Variants in PDSS2 observed in about 807,000 individuals in gnomAD.
PDSS2 encodes decaprenyl diphosphate synthase subunit 2, also known as all trans-polyprenyl-diphosphate synthase PDSS2.
In PDSS2, 31 loss-of-function variants were observed where a neutral mutation model predicts 44.5. That is an observed-to-expected ratio of 0.70 (90% CI 0.52 to 0.94). PDSS2 has a LOEUF of 0.94. Among genes scored for constraint, PDSS2 ranks in the 40% least tolerant of loss-of-function variants. The pLI, the probability that PDSS2 is intolerant of heterozygous loss-of-function variation, is 0.00. For missense variants in PDSS2, 452 were observed against 482.2 expected, an observed-to-expected ratio of 0.94 and a Z score of 0.59; for synonymous variants, 157 against 180.3, an observed-to-expected ratio of 0.87 and a Z score of 1.03.
At chr6:107,202,960 T>C (rs1772837615) in intron 6 of PDSS2, among the ~76,000 whole-genome samples, 3 of 152,080 alleles carry the variant, frequency 2.0e-5, no homozygotes, top group African/African-American at 7.2e-5. Context: ...GAGGTCTTGT[T>C]ATTTCTTTGT....
chr6:107,233,945 T>C (rs528873662), intron 4 of PDSS2, among the ~76,000 whole-genome samples: 10 of 152,270 alleles, frequency 6.6e-5, no homozygotes, highest in Non-Finnish European at 1.0e-4. Flanking sequence ...GGCAAGAGGA[T>C]TGCTTGAGGC....
intron 1 of PDSS2, among the ~76,000 whole-genome samples, chr6:107,424,496 C>A (rs1423585377): frequency 2.6e-5 from 4 of 152,242 alleles, no homozygotes; most frequent in South Asian, 2.1e-4. Context: ...CACAAGTAAA[C>A]CTTTCAGTTC....
chr6:107,273,338 A>C (rs1028910992), intron 3 of PDSS2, among the ~76,000 whole-genome samples: 27 of 152,220 alleles, frequency 1.8e-4, no homozygotes, highest in Middle Eastern at 3.4e-3. Flanking sequence ...GAAAAAAAAA[A>C]CACTAAAAAT....
In PDSS2 at chr6:107,394,895, T is replaced by C. The variant is rs567735472; in HGVS notation, c.297-60563A>G. On this transcript the variant is annotated intron_variant, in intron 1 of 7. Transcript: ENST00000369037. ...ACTCACATATTTAGCATTTCCAAAA[T>C]GCTTCATTCTTCTGTGTAGCTCAGT... 2.0e-5 allele frequency among the ~76,000 whole-genome samples: 3 copies of C among 152,340 alleles called. No homozygotes were observed. In the South Asian group the frequency reaches 6.2e-4, roughly 32 times the overall value.
In PDSS2 at chr6:107,212,226, G is replaced by C; in HGVS notation, c.759C>G (p.Leu253=). ...GISTWKEQTF[L]SHGALLAKSC... is the part of the protein sequence containing the mutation. The stretch of plus-strand genomic sequence containing the variant: ...TCTTTGCTAGTAAGGCACCATGGGA[G>C]AGAAAAGTCTGCTCCTTCCAAGTCG... Residue 253 remains leucine, a synonymous_variant, in exon 5 of 8, where the codon CTC becomes CTG. Coordinates refer to ENST00000369037, the MANE Select transcript of PDSS2 (RefSeq NM_020381.4). 6.2e-7 allele frequency: 1 copy of C among 1,613,786 alleles called. No individual in the cohort carries two copies. The highest frequency in any genetic ancestry group is 1.1e-5 in the South Asian group (1 of 91,046).
At chr6:107,334,404 A>G in intron 1 of PDSS2, 72 bp from the exon 2 acceptor site, 1 of 1,374,398 alleles carries the variant, frequency 7.3e-7, no homozygotes. Context: ...GAAAACTGCT[A>G]CAAAGATGCC....
intron 2 of PDSS2, among the ~76,000 whole-genome samples, chr6:107,282,906 A>G (rs941214404): frequency 2.1e-5 from 3 of 143,438 alleles, no homozygotes; most frequent in African/African-American, 7.7e-5. Context: ...TTTTTTTTGT[A>G]GAGACAGGGG....
intron 1 of PDSS2, among the ~76,000 whole-genome samples, chr6:107,360,338 T>G (rs1160717772): frequency 6.6e-6 from 1 of 152,164 alleles, no homozygotes; most frequent in African/African-American, 2.4e-5. Context: ...GAACAACTGC[T>G]TGGTAATAGC....
intron 1 of PDSS2, among the ~76,000 whole-genome samples, chr6:107,344,917 T>C (rs1778193697): frequency 6.6e-6 from 1 of 151,866 alleles, no homozygotes; most frequent in Non-Finnish European, 1.5e-5. Context: ...TAATGGAAAA[T>C]AGGGCCATTT....
chr6:107,165,883 C>A (rs1350420887), intron 7 of PDSS2, among the ~76,000 whole-genome samples: 2 of 152,126 alleles, frequency 1.3e-5, no homozygotes, highest in East Asian at 1.9e-4. Context: ...TCCTTCACAT[C>A]CCTTGTAAGT....
intron 3 of PDSS2, among the ~76,000 whole-genome samples, chr6:107,247,784 CT>C (rs1391285783): frequency 1.4e-5 from 2 of 145,032 alleles, no homozygotes; most frequent in Admixed American, 7.2e-5. Context: ...GGTGGATCAC[CT>C]GAGGTCAGGA....
intron 2 of PDSS2, among the ~76,000 whole-genome samples, chr6:107,282,288 G>A (rs1015553339): frequency 6.6e-6 from 1 of 152,208 alleles, no homozygotes; most frequent in Non-Finnish European, 1.5e-5. Flanking sequence ...AAAAAGTAGG[G>A]TTTATAGAAT....
chr6:107,303,330 G>A (rs1776756288), intron 2 of PDSS2, among the ~76,000 whole-genome samples: 1 of 152,146 alleles, frequency 6.6e-6, no homozygotes, highest in African/African-American at 2.4e-5. Context: ...GTTTTGGAGG[G>A]GACAAACGTG....
At chr6:107,415,588 G>A (rs1780633071) in intron 1 of PDSS2, among the ~76,000 whole-genome samples, 2 of 152,166 alleles carry the variant, frequency 1.3e-5, no homozygotes, top group South Asian at 4.1e-4. Context: ...CTGAAATAGA[G>A]AAGGCAATTA....
chr6:107,289,499 A>T (rs1291594354), intron 2 of PDSS2, among the ~76,000 whole-genome samples: 1 of 152,016 alleles, frequency 6.6e-6, no homozygotes, highest in Non-Finnish European at 1.5e-5. Context: ...CAGGAATCTG[A>T]GACCAGCCTG....
At chr6:107,213,730 C>T (rs1172396743) in intron 4 of PDSS2, among the ~76,000 whole-genome samples, 1 of 152,028 alleles carries the variant, frequency 6.6e-6, no homozygotes, top group Non-Finnish European at 1.5e-5. Flanking sequence ...GCACTCCAGC[C>T]TGGGCGAAAG....
At chr6:107,168,615 C>T (rs1346827347) in intron 7 of PDSS2, among the ~76,000 whole-genome samples, 32 of 150,838 alleles carry the variant, frequency 2.1e-4, no homozygotes, top group Admixed American at 9.3e-4. Context: ...TGGCTGGTAC[C>T]GGTTGTTCCT....
At chr6:107,173,890 G>A (rs1381350106) in intron 7 of PDSS2, among the ~76,000 whole-genome samples, 1 of 152,068 alleles carries the variant, frequency 6.6e-6, no homozygotes, top group East Asian at 1.9e-4. Flanking sequence ...AAAAGTATAA[G>A]CTGCAATTTG....
intron 1 of PDSS2, among the ~76,000 whole-genome samples, chr6:107,393,556 T>C (rs934545315): frequency 1.3e-5 from 2 of 152,306 alleles, no homozygotes; most frequent in Non-Finnish European, 2.9e-5. Context: ...TAAATCCCTA[T>C]GAATTTTATG....
Sources: gnomAD v4.1 joint callset for allele counts (sites outside exome capture counted in the v4.1 genomes callset) on GRCh38, gnomAD v4.1.1 for gene constraint, MANE v1.5 for transcripts, NCBI Gene and HGNC (gene_info 2026-07-23, HGNC 2026-07-21) for gene names.